ERCC6L2: variants seen among roughly 807,000 people sequenced by gnomAD.
ERCC6L2 encodes the protein DNA excision repair protein ERCC-6-like 2.
A neutral mutation model predicts 132.0 loss-of-function variants in ERCC6L2; 77 were observed. The observed-to-expected ratio is 0.58, with a 90% CI of 0.49 to 0.71. The LOEUF (loss-of-function observed/expected upper bound fraction) is 0.71, where lower values mean the gene tolerates loss of function less well. Ranked by LOEUF, ERCC6L2 falls within the 30% of genes least tolerant of loss-of-function variation. The pLI, the probability that ERCC6L2 is intolerant of heterozygous loss-of-function variation, is 0.00. For missense variants in ERCC6L2, 1,542 were observed against 1,837.6 expected (o/e 0.84, Z 2.94); for synonymous variants, 583 against 632.4 (o/e 0.92, Z 1.17).
At chr9:95,945,014 T>A (rs974688618) in intron 12 of ERCC6L2, among the ~76,000 whole-genome samples, 2 of 152,168 alleles carry the variant, frequency 1.3e-5, no homozygotes, top group Admixed American at 1.3e-4. Context: ...TAACATCTTA[T>A]CAGGAGACAG....
intron 16 of ERCC6L2, among the ~76,000 whole-genome samples, chr9:95,976,031 C>T (rs1035819314): frequency 5.3e-5 from 8 of 152,058 alleles, no homozygotes; most frequent in Non-Finnish European, 1.2e-4. Context: ...TCTCTTTTTT[C>T]TCACAATAAT....
chr9:95,908,074 A>C (rs1829166114), intron 4 of ERCC6L2, among the ~76,000 whole-genome samples: 1 of 152,142 alleles, frequency 6.6e-6, no homozygotes, highest in Admixed American at 6.6e-5. Flanking sequence ...TAAATACCTT[A>C]GCTTCTGTGT....
chr9:95,913,849 T>G (rs1829455687), intron 4 of ERCC6L2, among the ~76,000 whole-genome samples: 1 of 152,218 alleles, frequency 6.6e-6, no homozygotes, highest in Non-Finnish European at 1.5e-5. Flanking sequence ...TTGTTCCTTT[T>G]TATTGCTGAA....
chr9:95,966,824 C>CT, intron 14 of ERCC6L2, 110 bp downstream of exon 14: 4 of 908,288 alleles, frequency 4.4e-6, no homozygotes, highest in Non-Finnish European at 6.0e-6. Flanking sequence ...TTTTGGTTTT[C>CT]TTTATCAAAA....
chr9:96,004,499 T>C, intron 17 of ERCC6L2, 21 bp from the exon 18 acceptor site: 1 of 1,280,974 alleles, frequency 7.8e-7, no homozygotes, highest in Non-Finnish European at 1.0e-6. Context: ...ACATAGCTTT[T>C]GTTTCCTTTC....
rs993276613 is a variant in ERCC6L2 at position 96,018,271 on chromosome 9, G to A, written c.*5068G>A. Among the ~76,000 whole-genome samples, 1 of 152,124 alleles carries A rather than the reference G, an allele frequency of 6.6e-6. No individual in the cohort carries two copies. The highest frequency in any genetic ancestry group is 1.9e-4 in the East Asian group (1 of 5,200). On this transcript the variant is annotated 3_prime_UTR_variant, in exon 19 of 19. Coordinates refer to ENST00000653738, the MANE Select transcript of ERCC6L2 (RefSeq NM_020207.7). ...TTACAATTTTAAAAATGGAAAAAAA[G>A]TAAGACCAAAAGCAACACCTCTCCA... is the stretch of plus-strand genomic sequence containing the variant.
chr9:96,013,114 C>G lies in ERCC6L2; in HGVS notation c.4564C>G (p.Leu1522Val). The G allele has an allele frequency of 7.3e-7, 1 of 1,367,396 alleles. No homozygotes were observed. Among genetic ancestry groups the G allele is most frequent in the Non-Finnish European group, 9.8e-7 (1 of 1,021,808 alleles). 84.7% of individuals were successfully genotyped at this position (1,367,396 alleles called of 1,614,324 possible). A position where few individuals can be genotyped will look rare whatever the true frequency, so the allele number is the denominator to read the frequency against. The change falls in exon 19 of 19, where the codon CTT becomes GTT. Residue 1522 changes from leucine to valine, a missense_variant. By Grantham distance (32) the Leu-to-Val change is conservative. Around this residue, in one of 4 missense-constraint regions of ERCC6L2, gnomAD observed 442 missense variants for 583.4 expected, o/e 0.76. Transcript: ENST00000653738. The stretch of plus-strand genomic sequence containing the variant: ...AAGGAGAGAAGAGCCAGCAACTTCT[C>G]TTTGGAAATCAAATGAGAAATTTTT... The part of the protein sequence containing the change: ...FKRREEPATS[L>V]WKSNEKFLWK...
At chr9:96,006,651 A>G (rs1833874192) in intron 18 of ERCC6L2, among the ~76,000 whole-genome samples, 1 of 152,208 alleles carries the variant, frequency 6.6e-6, no homozygotes, top group Admixed American at 6.5e-5. Context: ...CAGAGAGGTG[A>G]AAACAGAAAG....
chr9:96,026,736 CCACA>C (rs1274104756), intron 19 of ERCC6L2, among the ~76,000 whole-genome samples: 1 of 147,868 alleles, frequency 6.8e-6, no homozygotes, highest in South Asian at 2.2e-4. Context: ...ACACACCACA[CCACA>C]CACACAGCCC....
chr9:95,940,072 T>C (rs1326522594), intron 11 of ERCC6L2, among the ~76,000 whole-genome samples: 1 of 152,196 alleles, frequency 6.6e-6, no homozygotes, highest in Non-Finnish European at 1.5e-5. Flanking sequence ...GACCCTGTTA[T>C]CATTGGGAAG....
At chr9:95,899,126 T>TA (rs1828621744) in intron 3 of ERCC6L2, among the ~76,000 whole-genome samples, 1 of 151,982 alleles carries the variant, frequency 6.6e-6, no homozygotes, top group Non-Finnish European at 1.5e-5. Flanking sequence ...TTAAATATAT[T>TA]AAAATACTTA....
At position 95,972,629 on chromosome 9, in the gene ERCC6L2, T is replaced by G. The variant is rs1564276450; in HGVS notation, c.2878T>G (p.Leu960Val). ...DKRNGIISKK[L>V]SPENTTLKSI... is the part of the protein sequence containing the mutation. ...AAGAAATGGAATAATTTCAAAAAAG[T>G]TAAGTCCTGAGAACACAACCCTGAA... The change falls in exon 16 of 19, where the codon TTA (leucine) becomes GTA (valine). Residue 960 changes from leucine to valine, a missense_variant. Physicochemically the swap from Leu to Val is conservative, Grantham distance 32 (BLOSUM62 1). Transcript: ENST00000653738. The G allele has an allele frequency of 7.7e-7, 1 of 1,291,958 alleles. No individual in the cohort carries two copies. Among genetic ancestry groups the G allele is most frequent in the Non-Finnish European group, 1.0e-6 (1 of 988,712 alleles). 80.0% of individuals were successfully genotyped at this position (1,291,958 alleles called of 1,614,324 possible). A position where few individuals can be genotyped will look rare whatever the true frequency, so the allele number is the denominator to read the frequency against.
chr9:95,921,283 A>G lies in ERCC6L2; in HGVS notation c.1267A>G (p.Ser423Gly), dbSNP rs1829858235. ...ATCTTCTGAGCCTTGTACCTGTAGGAGTGGCCAAAAAAGGAGAAATTGTTG... is the reference window on the plus strand; with the variant it reads ...ATCTTCTGAGCCTTGTACCTGTAGGGGTGGCCAAAAAAGGAGAAATTGTTG... Reference protein sequence around the residue: ...LQSSEPCTCRSGQKRRNCCYK... With the variant: ...LQSSEPCTCRGGQKRRNCCYK... Residue 423 changes from serine to glycine, a missense_variant, in exon 7 of 19, where the codon AGT becomes GGT. Physicochemically the swap from Ser to Gly is moderately conservative, Grantham distance 56. This residue lies in a region of ERCC6L2 where 945 missense variants were observed against 1,105.2 expected (regional missense o/e 0.86). Transcript: ENST00000653738. The G allele has an allele frequency of 1.9e-6, 3 of 1,612,722 alleles. No homozygotes were observed. Among genetic ancestry groups the G allele is most frequent in the South Asian group, 2.2e-5 (2 of 90,822 alleles).
Position 95,966,574 on chromosome 9 carries a change from G to A in ERCC6L2, c.1960G>A (p.Val654Met). The change falls in exon 14 of 19, where the codon GTG becomes ATG. Residue 654 changes from valine to methionine, a missense_variant. Val to Met is a conservative substitution (Grantham distance 21). Transcript: ENST00000653738. ...TTTTCTGTTTTAGCAACTTCACTGTGTGGTGGTTGGAAGTGAAAATGCCAA... is the reference window on the plus strand; with the variant it reads ...TTTTCTGTTTTAGCAACTTCACTGTATGGTGGTTGGAAGTGAAAATGCCAA... ...RQIYKQQLHC[V>M]VVGSENAKRY... 7 of 1,506,332 alleles carry A rather than the reference G, an allele frequency of 4.6e-6. No individual in the cohort carries two copies. Among genetic ancestry groups the A allele is most frequent in the Non-Finnish European group, 6.3e-6 (7 of 1,110,256 alleles). The allele number at this position is 1,506,332 out of a possible 1,614,324, so 93.3% of individuals were successfully genotyped here.
intron 19 of ERCC6L2, among the ~76,000 whole-genome samples, chr9:96,023,824 G>T (rs1438860276): frequency 1.3e-5 from 2 of 152,178 alleles, no homozygotes; most frequent in African/African-American, 4.8e-5. Context: ...GCTTGGATAA[G>T]ACTTGAAACA....
At chr9:96,002,630 G>T (rs557416760) in intron 17 of ERCC6L2, among the ~76,000 whole-genome samples, 1 of 151,984 alleles carries the variant, frequency 6.6e-6, no homozygotes, top group East Asian at 1.9e-4. Flanking sequence ...TTACCACATT[G>T]CCAGGCAAAT....
Position 95,901,288 on chromosome 9 carries a change from G to A in ERCC6L2, c.594+3317G>A, listed in dbSNP as rs559019061. ...GGATTTTTTTTTTAATTGTTTGGAA[G>A]TATTAAGGACTTTTTTAATTGATGA... On this transcript the variant is annotated intron_variant, in intron 3 of 18. Coordinates refer to ENST00000653738, the MANE Select transcript of ERCC6L2 (RefSeq NM_020207.7). Among the ~76,000 whole-genome samples the A allele has an allele frequency of 3.3e-5, 5 of 151,940 alleles. No homozygotes were observed. The East Asian group carries it at 9.7e-4, about 29-fold the overall frequency.
In ERCC6L2 at chr9:96,016,413, A is replaced by G. The variant is rs1420125998; in HGVS notation, c.*3210A>G. ...TTGCCACAATCTTTTTTACTTAAGC[A>G]ATGATACCGTTTCTGGCTGAACACT... On this transcript the variant is annotated 3_prime_UTR_variant, in exon 19 of 19. Coordinates refer to ENST00000653738, the MANE Select transcript of ERCC6L2 (RefSeq NM_020207.7). Among the ~76,000 whole-genome samples the G allele has an allele frequency of 6.6e-6, 1 of 152,202 alleles. No homozygotes were observed. The highest frequency in any genetic ancestry group is 1.5e-5 in the Non-Finnish European group (1 of 68,044).
chr9:95,878,517 T>TA (rs1554732296), intron 1 of ERCC6L2, among the ~76,000 whole-genome samples: 1 of 151,992 alleles, frequency 6.6e-6, no homozygotes, highest in Non-Finnish European at 1.5e-5. Context: ...CTTTTTTTTT[T>TA]ATTATACTTT....
Sources: allele counts gnomAD v4.1 joint callset (sites outside exome capture counted in the v4.1 genomes callset), GRCh38; gene constraint gnomAD v4.1.1; regional missense constraint gnomAD v4.1.1; transcripts MANE v1.5; gene names NCBI Gene and HGNC (gene_info 2026-07-23, HGNC 2026-07-21).